MGST1: variants seen among roughly 807,000 people sequenced by gnomAD.
MGST1 encodes the protein microsomal glutathione S-transferase 1, also known as glutathione S-transferase 12.
MGST1 carries 5 observed loss-of-function variants against 8.9 expected under a neutral mutation model. The ratio of observed to expected loss-of-function variants is 0.56; its 90% CI spans 0.29 to 1.19. The LOEUF is 1.19. Ranked by LOEUF, MGST1 falls within the 50% of genes most tolerant of loss-of-function variation. MGST1 has a pLI of 0.08. For synonymous variants in MGST1, 54 were observed against 67.8 expected (o/e 0.80, Z 1.00); for missense variants, 182 against 187.4 (o/e 0.97, Z 0.17).
At chr12:16,417,297 A>G (rs1330345418) in intron 1 of MGST1, among the ~76,000 whole-genome samples, 1 of 152,104 alleles carries the variant, frequency 6.6e-6, no homozygotes, top group Non-Finnish European at 1.5e-5. Flanking sequence ...TAAAACCTTC[A>G]GATCTTGTGA....
intron 4 of MGST1, among the ~76,000 whole-genome samples, chr12:16,488,357 A>G (rs1000099350): frequency 5.9e-5 from 9 of 151,718 alleles, no homozygotes; most frequent in Non-Finnish European, 1.3e-4. Flanking sequence ...ACCCTCCCTC[A>G]TCTCTCTCCC....
At chr12:16,591,305 G>A (rs575048285), downstream of MGST1, among the ~76,000 whole-genome samples, 1 of 151,786 alleles carries the variant, frequency 6.6e-6, no homozygotes, top group African/African-American at 2.4e-5. This position sits in a 1 kb window ranked among gnomAD's most constrained non-coding sequence, Gnocchi z 4.1. Context: ...CTTCCCATAC[G>A]TGATCATGGC....
At chr12:16,388,067 A>G (rs965208407) in intron 1 of MGST1, among the ~76,000 whole-genome samples, 7 of 151,972 alleles carry the variant, frequency 4.6e-5, no homozygotes, top group Non-Finnish European at 7.4e-5. Context: ...CTCAGAATGT[A>G]TCTCTGTTGT....
At chr12:16,523,469 G>A (rs1591751524) in intron 4 of MGST1, among the ~76,000 whole-genome samples, 1 of 151,966 alleles carries the variant, frequency 6.6e-6, no homozygotes, top group Admixed American at 6.6e-5. Flanking sequence ...CTTCCAGGAA[G>A]CTTTCATGCC....
Position 16,364,244 on chromosome 12 carries a change from G to A in MGST1, c.*203G>A. 1 of 1,254,198 alleles carries A rather than the reference G, an allele frequency of 8.0e-7. No homozygotes were observed. The allele number at this position is 1,254,198 out of a possible 1,614,324, so 77.7% of individuals were successfully genotyped here. A position where few individuals can be genotyped will look rare whatever the true frequency, so the allele number is the denominator to read the frequency against. Reference sequence around the variant, plus strand: ...AGAAATTTAACATAGTAATTCTTAAGTCTTTTGTCTGATTTTTAAAGTACT... The same window carrying A: ...AGAAATTTAACATAGTAATTCTTAAATCTTTTGTCTGATTTTTAAAGTACT... On this transcript the variant is annotated 3_prime_UTR_variant, in exon 4 of 4. Coordinates refer to ENST00000396210, the MANE Select transcript of MGST1 (RefSeq NM_020300.5). This position sits in a 1 kb window ranked among gnomAD's most constrained non-coding sequence, Gnocchi z 5.7.
At chr12:16,465,458 G>GA (rs1941247163) in intron 4 of MGST1, among the ~76,000 whole-genome samples, 1 of 152,158 alleles carries the variant, frequency 6.6e-6, no homozygotes, top group South Asian at 2.1e-4. Context: ...CGCATAGCAG[G>GA]AGGTGAGCGT....
intron 4 of MGST1, among the ~76,000 whole-genome samples, chr12:16,504,116 C>G (rs1454732420): frequency 1.3e-5 from 2 of 152,162 alleles, no homozygotes; most frequent in African/African-American, 4.8e-5. Flanking sequence ...TGCTGCCTGC[C>G]CTGGGATTTG....
At chr12:16,514,427 C>T (rs927578458) in intron 4 of MGST1, 2 of 278,914 alleles carry the variant, frequency 7.2e-6, no homozygotes, top group East Asian at 1.1e-4. Flanking sequence ...AGGCCCATCG[C>T]ATCATTAGCA....
downstream of MGST1, chr12:16,367,238 G>A (rs1041501008): frequency 2.2e-4 from 33 of 152,248 alleles, no homozygotes; most frequent in Middle Eastern, 3.4e-3. Flanking sequence ...GAAAGCCTCC[G>A]TGGTTTAAAC....
chr12:16,463,414 G>A lies in MGST1; in HGVS notation n.482+79810G>A, dbSNP rs374780348. The stretch of plus-strand genomic sequence containing the variant: ...TTTAAAAGACCGGTGAAGAACATTC[G>A]CTGTGAGGTAGTATATGCTCTGGGG... On this transcript the variant is annotated intron_variant and non_coding_transcript_variant, in intron 4 of 4. Coordinates refer to the MGST1 transcript ENST00000538857. Among the ~76,000 whole-genome samples the A allele has an allele frequency of 1.1e-4, 15 of 141,190 alleles. No individual in the cohort carries two copies. The East Asian group carries it at 2.3e-3, about 21-fold the overall frequency. 92.6% of individuals were successfully genotyped at this position (141,190 alleles called of 152,430 possible). A position where few individuals can be genotyped will look rare whatever the true frequency, so the allele number is the denominator to read the frequency against.
chr12:16,455,469 C>A (rs1941165204), intron 4 of MGST1, among the ~76,000 whole-genome samples: 1 of 151,478 alleles, frequency 6.6e-6, no homozygotes, highest in Admixed American at 6.6e-5. Flanking sequence ...TAGCACAGCA[C>A]TTGGCAGGTA....
At chr12:16,399,520 C>A (rs1940634805) in intron 1 of MGST1, 2 of 1,559,666 alleles carry the variant, frequency 1.3e-6, no homozygotes, top group African/African-American at 2.7e-5. Flanking sequence ...TCTGACTCTT[C>A]TGCTTCTGAT....
At chr12:16,456,171 CTAGT>C (rs1272100076) in intron 4 of MGST1, among the ~76,000 whole-genome samples, 6 of 151,686 alleles carry the variant, frequency 4.0e-5, no homozygotes, top group African/African-American at 1.5e-4. Flanking sequence ...TAAAAACCTG[CTAGT>C]TACAGTTTGT....
intron 4 of MGST1, among the ~76,000 whole-genome samples, chr12:16,485,342 T>C (rs751098911): frequency 2.6e-5 from 4 of 152,228 alleles, no homozygotes; most frequent in Non-Finnish European, 5.9e-5. Flanking sequence ...TGGATATTTA[T>C]GTTTAATTAA....
rs533589312 is a variant in MGST1 at position 16,513,724 on chromosome 12, G to A, written n.483-75804G>A. The A allele has an allele frequency of 8.9e-6, 5 of 564,264 alleles. No individual in the cohort carries two copies. In the African/African-American group the frequency reaches 9.4e-5, roughly 11 times the overall value. 35.0% of individuals were successfully genotyped at this position (564,264 alleles called of 1,614,324 possible). On this transcript the variant is annotated intron_variant and non_coding_transcript_variant, in intron 4 of 4. Transcript: ENST00000538857. This position sits in a 1 kb window ranked among gnomAD's most constrained non-coding sequence, Gnocchi z 4.2. ...CAAGGCATCTGCAGAAGTAGCCTTG[G>A]GCGAGAATAGCGAAGTCTCGAAAAG...
At chr12:16,496,450 A>G (rs1426238227) in intron 4 of MGST1, among the ~76,000 whole-genome samples, 4 of 152,142 alleles carry the variant, frequency 2.6e-5, no homozygotes, top group African/African-American at 4.8e-5. Flanking sequence ...TGCACACAAA[A>G]CAGCAACACA....
intron 1 of MGST1, among the ~76,000 whole-genome samples, chr12:16,390,092 A>G (rs552295344): frequency 6.6e-6 from 1 of 152,300 alleles, no homozygotes; most frequent in Admixed American, 6.5e-5. Context: ...TAACTCCAGC[A>G]AAGACTGACA....
intron 1 of MGST1, among the ~76,000 whole-genome samples, chr12:16,395,563 T>C (rs1410799401): frequency 2.6e-5 from 4 of 151,894 alleles, no homozygotes; most frequent in African/African-American, 9.7e-5. Flanking sequence ...CTTTTATCAC[T>C]CAACCCCCTC....
chr12:16,432,638 A>G (rs940737091), intron 1 of MGST1, among the ~76,000 whole-genome samples: 5 of 150,976 alleles, frequency 3.3e-5, no homozygotes, highest in Non-Finnish European at 7.4e-5. Context: ...TGTCACACCT[A>G]AAACTCTGTC....
Sources: gnomAD v4.1 joint callset for allele counts (sites outside exome capture counted in the v4.1 genomes callset) on GRCh38, gnomAD v4.1.1 for gene constraint, Gnocchi (gnomAD v3.1) non-coding constraint, MANE v1.5 for transcripts, NCBI Gene and HGNC (gene_info 2026-07-23, HGNC 2026-07-21) for gene names.